Variants in HOMER1 observed in about 807,000 individuals in gnomAD.
The protein encoded by HOMER1 is homer protein homolog 1.
A neutral mutation model predicts 48.9 loss-of-function variants in HOMER1; 3 were observed. The ratio of observed to expected loss-of-function variants is 0.06; its 90% confidence interval spans 0.03 to 0.16. HOMER1 has a LOEUF of 0.16. Ranked by LOEUF, HOMER1 falls within the 10% of genes least tolerant of loss-of-function variation. The pLI, the probability that HOMER1 is intolerant of heterozygous loss-of-function variation, is 1.00. For missense variants in HOMER1, 247 were observed against 411.4 expected (o/e 0.60, Z 3.46); for synonymous variants, 134 against 146.4 (o/e 0.92, Z 0.61).
At chr5:79,387,071 C>CTA (rs1749134747) in intron 8 of HOMER1, among the ~76,000 whole-genome samples, 1 of 124,008 alleles carries the variant, frequency 8.1e-6, no homozygotes, top group African/African-American at 3.3e-5. Context: ...TCCTTTCTTT[C>CTA]TCTATCTCTC....
intron 6 of HOMER1, among the ~76,000 whole-genome samples, chr5:79,398,365 A>G (rs929533972): frequency 7.9e-5 from 12 of 151,942 alleles, no homozygotes; most frequent in Admixed American, 5.3e-4. Flanking sequence ...TTCTTTACAT[A>G]TATCATGTGC....
At position 79,490,994 on chromosome 5, in the gene HOMER1, GA is replaced by G. The variant is rs533225012; in HGVS notation, c.5+21775del. Among the ~76,000 whole-genome samples the G allele has an allele frequency of 1.9e-4, 23 of 120,496 alleles. 1 individual carries two copies. Among genetic ancestry groups the G allele is most frequent in the Admixed American group, 1.1e-3 (10 of 9,378 alleles). 79.1% of individuals were successfully genotyped at this position (120,496 alleles called of 152,430 possible). ...GAAATATAATACAAGGGAAAAAAAG[GA>G]AAAAAAATTAAGTGGATTTTGATTG... On this transcript the variant is annotated intron_variant, in intron 1 of 8. Coordinates refer to ENST00000334082, the MANE Select transcript of HOMER1 (RefSeq NM_004272.5).
At chr5:79,457,735 G>C (rs1189891131) in intron 1 of HOMER1, among the ~76,000 whole-genome samples, 1 of 152,176 alleles carries the variant, frequency 6.6e-6, no homozygotes. Flanking sequence ...CGTGAGCAGA[G>C]GATGGTAGGA....
chr5:79,476,107 T>C (rs994273983), intron 1 of HOMER1, among the ~76,000 whole-genome samples: 4 of 152,144 alleles, frequency 2.6e-5, no homozygotes, highest in Non-Finnish European at 4.4e-5. Context: ...ACTATATAAA[T>C]AGGAATCCAG....
chr5:79,437,882 C>A (rs113345438), intron 5 of HOMER1, among the ~76,000 whole-genome samples: 13 of 152,284 alleles, frequency 8.5e-5, no homozygotes, highest in African/African-American at 3.1e-4. Flanking sequence ...ATCTTGAACT[C>A]CTGTCCTCAG....
rs1006057245 is a variant in HOMER1, at chr5:79,455,209, T to C, written c.162+1653A>G. Reference sequence around the variant, plus strand: ...GCCTCGGCCTCCCAAAGTGCTAGAATTACAGGCACAAACCTCAGTGCCCAG... The same window carrying C: ...GCCTCGGCCTCCCAAAGTGCTAGAACTACAGGCACAAACCTCAGTGCCCAG... On this transcript the variant is annotated intron_variant, in intron 2 of 8. Transcript: ENST00000334082. Among the ~76,000 whole-genome samples, 10 of 152,104 alleles carry C rather than the reference T, an allele frequency of 6.6e-5. 1 individual carries two copies. The highest frequency in any genetic ancestry group is 6.6e-4 in the Admixed American group (10 of 15,266).
intron 5 of HOMER1, among the ~76,000 whole-genome samples, chr5:79,415,570 A>G (rs1243542205): frequency 6.6e-6 from 1 of 152,208 alleles, no homozygotes; most frequent in East Asian, 1.9e-4. Flanking sequence ...CGTAAACCTA[A>G]AAGAGTTGTC....
At chr5:79,388,609 T>G (rs796202144) in intron 8 of HOMER1, among the ~76,000 whole-genome samples, 3 of 151,964 alleles carry the variant, frequency 2.0e-5, no homozygotes, top group South Asian at 4.2e-4. Context: ...ATTGAAAAAC[T>G]TAGAATAGAA....
intron 5 of HOMER1, among the ~76,000 whole-genome samples, chr5:79,411,288 C>T (rs1305240616): frequency 6.6e-6 from 1 of 152,118 alleles, no homozygotes; most frequent in Non-Finnish European, 1.5e-5. Context: ...AGTTCGAGGC[C>T]AGCCTGGGCA....
At position 79,375,950 on chromosome 5, in the gene HOMER1, A is replaced by G; in HGVS notation, c.*59T>C. ...TGCAATCTTGATGCAGAGCCTAAAC[A>G]GTCCTATGAAGAGAGACAGTGTATC... On this transcript the variant is annotated 3_prime_UTR_variant, in exon 9 of 9. Transcript: ENST00000334082. 9.5e-7 allele frequency: 1 copy of G among 1,049,928 alleles called. No individual in the cohort carries two copies. The highest frequency in any genetic ancestry group is 2.1e-5 in the South Asian group (1 of 47,170). The allele number at this position is 1,049,928 out of a possible 1,614,324, so 65.0% of individuals were successfully genotyped here.
chr5:79,504,416 A>T (rs1752691531), intron 1 of HOMER1, among the ~76,000 whole-genome samples: 1 of 152,122 alleles, frequency 6.6e-6, no homozygotes, highest in Admixed American at 6.5e-5. Flanking sequence ...TAAGCAAAAA[A>T]AAAAAAAAGG....
intron 5 of HOMER1, among the ~76,000 whole-genome samples, chr5:79,435,398 C>CT (rs1750547397): frequency 6.6e-6 from 1 of 152,144 alleles, no homozygotes; most frequent in Non-Finnish European, 1.5e-5. Context: ...TATATCCCAT[C>CT]TTTTTTATTT....
In HOMER1 at chr5:79,502,945, C is replaced by T. The variant is rs529031642; in HGVS notation, c.5+9825G>A. 2.6e-5 allele frequency among the ~76,000 whole-genome samples: 4 copies of T among 151,880 alleles called. No individual in the cohort carries two copies. The South Asian group carries it at 6.2e-4, about 24-fold the overall frequency. ...AGCTGTGACTACAGGCGCCCGCCAC[C>T]ACGCCCGGCTAATTTTTTGTATTTT... On this transcript the variant is annotated intron_variant, in intron 1 of 8. Transcript: ENST00000334082.
At chr5:79,386,193 A>T (rs930808130) in intron 8 of HOMER1, among the ~76,000 whole-genome samples, 1 of 152,272 alleles carries the variant, frequency 6.6e-6, no homozygotes, top group Non-Finnish European at 1.5e-5. Flanking sequence ...TATTCACAAT[A>T]CTAAAGACAT....
At chr5:79,427,167 A>G (rs1750280765) in intron 5 of HOMER1, among the ~76,000 whole-genome samples, 1 of 152,218 alleles carries the variant, frequency 6.6e-6, no homozygotes, top group Non-Finnish European at 1.5e-5. Context: ...AGTATTGACC[A>G]TATAATTGGT....
intron 5 of HOMER1, among the ~76,000 whole-genome samples, chr5:79,410,984 C>T (rs930874): frequency 0.48 from 72,537 of 152,010 alleles, 20,604 homozygotes; most frequent in African/African-American, 0.79. Flanking sequence ...TCAGAAAATA[C>T]ACTGAAACAC....
chr5:79,487,608 G>T (rs1329715139), intron 1 of HOMER1, among the ~76,000 whole-genome samples: 1 of 152,142 alleles, frequency 6.6e-6, no homozygotes, highest in Non-Finnish European at 1.5e-5. Context: ...TAAATAAACA[G>T]CAAGAAAAGG....
chr5:79,474,741 G>T (rs1751715909), intron 1 of HOMER1, among the ~76,000 whole-genome samples: 1 of 151,516 alleles, frequency 6.6e-6, no homozygotes, highest in South Asian at 2.1e-4. Flanking sequence ...CCTTGTTCCT[G>T]ATTTTACAAA....
intron 8 of HOMER1, among the ~76,000 whole-genome samples, chr5:79,396,261 A>G (rs6893916): frequency 0.03 from 4,541 of 151,974 alleles, 207 homozygotes; most frequent in African/African-American, 0.1. Flanking sequence ...TTAGGGCACA[A>G]CTATTGGTAT....
Sources: allele counts gnomAD v4.1 joint callset (sites outside exome capture counted in the v4.1 genomes callset), GRCh38; gene constraint gnomAD v4.1.1; transcripts MANE v1.5; gene names NCBI Gene and HGNC (gene_info 2026-07-23, HGNC 2026-07-21).